The following SRP19 variants were observed in gnomAD, a reference collection of about 807,000 sequenced individuals.
SRP19 encodes the protein signal recognition particle 19, also known as signal recognition particle 19 kDa protein.
SRP19 carries 11 observed loss-of-function variants against 22.4 expected under a neutral mutation model. That is an observed-to-expected ratio of 0.49 (90% CI 0.31 to 0.81). The LOEUF (loss-of-function observed/expected upper bound fraction) is 0.81, where lower values mean the gene tolerates loss of function less well. Ranked by LOEUF, SRP19 falls within the 40% of genes least tolerant of loss-of-function variation. The probability of loss-of-function intolerance (pLI) is 0.05; values close to 1 mark genes in which losing one functional copy is unlikely to be tolerated. For missense variants in SRP19, 168 were observed against 175.9 expected (o/e 0.96, Z 0.25); for synonymous variants, 61 against 57.6 (o/e 1.06, Z -0.27).
At chr5:112,891,614 C>G (rs1460303140) in exon 5 of SRP19, 1 of 1,577,050 alleles carries the variant, frequency 6.3e-7, no homozygotes, top group African/African-American at 1.4e-5. Context: ...TTAAGAATGT[C>G]TGAGGGGTCA....
At chr5:112,862,210 C>T (rs1767426061) in intron 1 of SRP19, among the ~76,000 whole-genome samples, 1 of 152,192 alleles carries the variant, frequency 6.6e-6, no homozygotes, top group Non-Finnish European at 1.5e-5. Flanking sequence ...ACAGAATTTT[C>T]TAGGGTTTAA....
At chr5:112,865,357 A>C (rs2545156) in intron 4 of SRP19, 5 of 152,032 alleles carry the variant, frequency 3.3e-5, no homozygotes, top group Non-Finnish European at 7.4e-5. Context: ...CATCATCTCT[A>C]GTGTTTTATT....
chr5:112,882,853 T>G (rs1006111900), intron 4 of SRP19, among the ~76,000 whole-genome samples: 1 of 152,250 alleles, frequency 6.6e-6, no homozygotes, highest in Non-Finnish European at 1.5e-5. Context: ...CTCTCTCAAT[T>G]GGCCTTCCTA....
chr5:112,862,825 G>A (rs1232875354), intron 2 of SRP19, among the ~76,000 whole-genome samples: 2 of 152,118 alleles, frequency 1.3e-5, no homozygotes, highest in Admixed American at 6.5e-5. Flanking sequence ...AAGGAGTGGG[G>A]GCAGAGTGTA....
At chr5:112,885,689 C>A (rs966834056) in intron 4 of SRP19, 6 of 308,372 alleles carry the variant, frequency 1.9e-5, no homozygotes, top group Non-Finnish European at 4.0e-5. Flanking sequence ...TCCTAACCAG[C>A]CTCCCTTTCT....
chr5:112,888,136 T>G (rs1051749223), intron 4 of SRP19, among the ~76,000 whole-genome samples: 3 of 149,758 alleles, frequency 2.0e-5, no homozygotes, highest in Admixed American at 2.0e-4. Context: ...TTCTCCTTAG[T>G]GTAAAAACAT....
At chr5:112,876,095 ACTT>A (rs1205111571) in intron 4 of SRP19, among the ~76,000 whole-genome samples, 1 of 151,832 alleles carries the variant, frequency 6.6e-6, no homozygotes, top group African/African-American at 2.4e-5. Flanking sequence ...GTCATAGGAG[ACTT>A]CTTTGTGTGT....
At position 112,862,665 on chromosome 5, in the gene SRP19, G is replaced by A. The variant is rs1397882769; in HGVS notation, c.117+82G>A. On this transcript the variant is annotated intron_variant, in intron 2 of 4. Transcript: ENST00000505459. Reference sequence around the variant, plus strand: ...CGGGCCACGTAATCTTGTTAGAGCCGCAGGGGGTTCTCTTCACTGCATTTA... The same window carrying A: ...CGGGCCACGTAATCTTGTTAGAGCCACAGGGGGTTCTCTTCACTGCATTTA... 9.9e-6 allele frequency: 12 copies of A among 1,212,938 alleles called. No individual in the cohort carries two copies. In the Admixed American group the frequency reaches 1.4e-4, roughly 14 times the overall value. 75.1% of individuals were successfully genotyped at this position (1,212,938 alleles called of 1,614,324 possible).
At chr5:112,887,103 G>A in intron 4 of SRP19, 1 of 1,613,744 alleles carries the variant, frequency 6.2e-7, no homozygotes, top group Non-Finnish European at 8.5e-7. Context: ...GCTTCAGGAA[G>A]AAAGGACGGA....
chr5:112,881,526 C>T (rs1452287793), intron 4 of SRP19, among the ~76,000 whole-genome samples: 2 of 152,194 alleles, frequency 1.3e-5, no homozygotes, highest in Non-Finnish European at 2.9e-5. Flanking sequence ...AGAAAGCTGG[C>T]TGTGCCCTGA....
intron 4 of SRP19, among the ~76,000 whole-genome samples, chr5:112,875,573 G>A (rs1767875878): frequency 6.6e-6 from 1 of 151,854 alleles, no homozygotes; most frequent in Admixed American, 6.6e-5. Flanking sequence ...TCACCATGTG[G>A]CCCAGGCTAG....
At chr5:112,892,325 G>C in exon 5 of SRP19, 1 of 1,614,126 alleles carries the variant, frequency 6.2e-7, no homozygotes, top group Non-Finnish European at 8.5e-7. Flanking sequence ...CCTGACGCAA[G>C]CCTGGAGTAC....
intron 4 of SRP19, chr5:112,878,939 G>C (rs1339123895): frequency 1.3e-6 from 2 of 1,565,502 alleles, no homozygotes; most frequent in Non-Finnish European, 1.7e-6. Context: ...AACAAAACTT[G>C]GATGACTCAT....
At chr5:112,891,004 A>C (rs1768426069) in intron 4 of SRP19, among the ~76,000 whole-genome samples, 1 of 150,858 alleles carries the variant, frequency 6.6e-6, no homozygotes, top group Non-Finnish European at 1.5e-5. Context: ...CATTACTAAC[A>C]GGAGAACATG....
intron 4 of SRP19, among the ~76,000 whole-genome samples, chr5:112,882,799 G>A (rs764622250): frequency 3.9e-5 from 6 of 152,078 alleles, no homozygotes; most frequent in Non-Finnish European, 7.4e-5. Context: ...CCTCTCCTTC[G>A]CAACTATTTC....
chr5:112,889,501 T>C (rs1768366171), intron 4 of SRP19, among the ~76,000 whole-genome samples: 1 of 150,914 alleles, frequency 6.6e-6, no homozygotes, highest in African/African-American at 2.5e-5. Flanking sequence ...TTCCTGAACT[T>C]GTATATACCT....
At chr5:112,897,023 A>G (rs1212682319), downstream of SRP19, 3 of 152,220 alleles carry the variant, frequency 2.0e-5, no homozygotes, top group African/African-American at 4.8e-5. Context: ...TCGCATGACA[A>G]ATGTCCTCAA....
At chr5:112,883,463 T>C (rs1017932619) in intron 4 of SRP19, among the ~76,000 whole-genome samples, 8 of 152,174 alleles carry the variant, frequency 5.3e-5, no homozygotes, top group South Asian at 4.1e-4. Context: ...ACGCTCATGG[T>C]TTTCTTGCTA....
rs1767702329 is a variant in SRP19, at chr5:112,869,244, G to A, written c.*1707G>A. ...TATTTCTAACACCTTTATGATTATT[G>A]TTCCTGCTTGTAAAAGGGCTGATAT... On this transcript the variant is annotated 3_prime_UTR_variant, in exon 5 of 5. Coordinates refer to ENST00000505459, the MANE Select transcript of SRP19 (RefSeq NM_003135.3). 6.6e-6 allele frequency: 1 copy of A among 152,052 alleles called. No homozygotes were observed. The highest frequency in any genetic ancestry group is 6.5e-5 in the Admixed American group (1 of 15,270). 9.4% of individuals were successfully genotyped at this position (152,052 alleles called of 1,614,324 possible). A position where few individuals can be genotyped will look rare whatever the true frequency, so the allele number is the denominator to read the frequency against.
Sources: allele counts gnomAD v4.1 joint callset (sites outside exome capture counted in the v4.1 genomes callset), GRCh38; gene constraint gnomAD v4.1.1; transcripts MANE v1.5; gene names NCBI Gene and HGNC (gene_info 2026-07-23, HGNC 2026-07-21).